The following DOCK9 variants were observed in gnomAD, a reference collection of about 807,000 sequenced individuals.
DOCK9 encodes the protein dedicator of cytokinesis 9.
DOCK9 carries 89 observed loss-of-function variants against 263.3 expected under a neutral mutation model. The observed-to-expected ratio is 0.34, with a 90% CI of 0.28 to 0.40. The LOEUF is 0.40. Ranked by LOEUF, DOCK9 falls within the 10% of genes least tolerant of loss-of-function variation. DOCK9 has a pLI of 1.00. For synonymous variants in DOCK9, 976 were observed against 973.1 expected (o/e 1.00, Z -0.06); for missense variants, 2,140 against 2,603.4 (o/e 0.82, Z 3.87).
intron 1 of DOCK9, among the ~76,000 whole-genome samples, chr13:99,084,462 C>T (rs997106338): frequency 2.0e-5 from 3 of 152,232 alleles, no homozygotes; most frequent in Non-Finnish European, 4.4e-5. Context: ...GCATCTGGCT[C>T]TTCATGCTTA....
At chr13:98,914,615 C>T (rs375608480) in intron 8 of DOCK9, among the ~76,000 whole-genome samples, 2 of 152,078 alleles carry the variant, frequency 1.3e-5, no homozygotes, top group East Asian at 1.9e-4. Flanking sequence ...GCATGGACAC[C>T]GTCCAATTAG....
intron 15 of DOCK9, 139 bp downstream of exon 15, chr13:98,897,349 T>C: frequency 2.8e-6 from 3 of 1,055,600 alleles, no homozygotes; most frequent in Non-Finnish European, 4.1e-6. Context: ...TTCTCAAGGG[T>C]TTGAGGAAAT....
chr13:98,894,957 C>CAAAAAAAA (rs71114557), intron 15 of DOCK9, among the ~76,000 whole-genome samples: 9 of 73,346 alleles, frequency 1.2e-4, no homozygotes, highest in Admixed American at 2.1e-4. Flanking sequence ...TACTAAAATA[C>CAAAAAAAA]AAAAAAAAAA....
chr13:98,883,675 T>G, intron 22 of DOCK9, 138 bp downstream of exon 22: 2 of 573,084 alleles, frequency 3.5e-6, no homozygotes. Context: ...GCACTTCAGT[T>G]GTACTTTCTT....
chr13:99,008,204 C>CTATA (rs1567200759), intron 1 of DOCK9, among the ~76,000 whole-genome samples: 5 of 93,210 alleles, frequency 5.4e-5, no homozygotes, highest in African/African-American at 2.2e-4. Context: ...CTCTCTCTCT[C>CTATA]TCTCTCTCTA....
intron 37 of DOCK9, chr13:98,846,386 A>C: frequency 2.9e-6 from 2 of 695,462 alleles, no homozygotes; most frequent in Non-Finnish European, 4.5e-6. Flanking sequence ...AAACGTCACT[A>C]ATCTTTTTGG....
chr13:98,895,147 A>G (rs1009641026), intron 15 of DOCK9, among the ~76,000 whole-genome samples: 12 of 9,838 alleles, frequency 1.2e-3, no homozygotes, highest in African/African-American at 2.5e-3. Context: ...TCCATCTCGG[A>G]AAAAAAAAAA....
In DOCK9 at chr13:98,930,208, G is replaced by A. The variant is rs775087973; in HGVS notation, c.293C>T (p.Ala98Val). 115 of 1,612,070 alleles carry A rather than the reference G, an allele frequency of 7.1e-5. No individual in the cohort carries two copies. The highest frequency in any genetic ancestry group is 8.7e-5 in the Non-Finnish European group (103 of 1,179,168). The change falls in exon 3 of 53, where the codon GCG becomes GTG. Residue 98 changes from alanine to valine, a missense_variant. Around this residue, in one of 2 missense-constraint regions of DOCK9, gnomAD observed 1,521 missense variants for 1,741.7 expected, o/e 0.87. Coordinates refer to ENST00000682017, the MANE Select transcript of DOCK9 (RefSeq NM_001366683.2). Reference protein sequence around the residue: ...QGRYICSTVPAKAEEEAQSLF... With the variant: ...QGRYICSTVPVKAEEEAQSLF... ...GCTCTGTGCTTCCTCTTCCGCCTTC[G>A]CAGGCACTGTTGAGCATATGTATCG...
intron 16 of DOCK9, 42 bp from the exon 17 acceptor site, chr13:98,888,589 A>G: frequency 6.2e-7 from 1 of 1,612,458 alleles, no homozygotes; most frequent in Non-Finnish European, 8.5e-7. Context: ...AGTAAAACCC[A>G]AACTAATAAA....
intron 1 of DOCK9, among the ~76,000 whole-genome samples, chr13:99,017,234 C>A (rs552011950): frequency 6.6e-6 from 1 of 152,102 alleles, no homozygotes; most frequent in Non-Finnish European, 1.5e-5. Flanking sequence ...AATCTTCATG[C>A]GAAATCACAA....
intron 2 of DOCK9, among the ~76,000 whole-genome samples, chr13:98,942,527 C>T (rs1360775706): frequency 9.2e-5 from 14 of 152,142 alleles, no homozygotes; most frequent in African/African-American, 2.9e-4. Context: ...CGTGAGCCAC[C>T]GCGCCCAGCT....
At chr13:98,904,052 G>C (rs1330346119) in intron 10 of DOCK9, among the ~76,000 whole-genome samples, 1 of 152,144 alleles carries the variant, frequency 6.6e-6, no homozygotes, top group Non-Finnish European at 1.5e-5. Context: ...TGGTGGTAAT[G>C]GTTGTACAAC....
intron 27 of DOCK9, 47 bp from the exon 28 acceptor site, chr13:98,868,424 C>A (rs1257852839): frequency 1.3e-6 from 2 of 1,546,840 alleles, no homozygotes; most frequent in Non-Finnish European, 1.7e-6. Flanking sequence ...AAGTTGCAAT[C>A]ATTTGGGAGG....
At chr13:98,945,235 C>T (rs1022456797) in intron 2 of DOCK9, among the ~76,000 whole-genome samples, 2 of 152,182 alleles carry the variant, frequency 1.3e-5, no homozygotes, top group African/African-American at 4.8e-5. Flanking sequence ...ATCTGATTGA[C>T]GTTTAGTAGG....
rs373465429 is a variant in DOCK9 at position 98,831,772 on chromosome 13, G to A, written c.4329C>T (p.Ala1443=). ...TCATGAGAGGATTATGTCCATGGTC[G>A]GCCAGGAGCTGGTTCTTAAAACACA... ...FTLAFKNQLL[A]DHGHNPLMKK... is the part of the protein sequence containing the mutation. Residue 1443 remains alanine, a synonymous_variant, in exon 40 of 53, where the codon GCC becomes GCT. Coordinates refer to ENST00000682017, the MANE Select transcript of DOCK9 (RefSeq NM_001366683.2). 2.9e-5 allele frequency: 47 copies of A among 1,613,656 alleles called. No individual in the cohort carries two copies. Among genetic ancestry groups the A allele is most frequent in the East Asian group, 2.5e-4 (11 of 44,894 alleles).
In DOCK9 at chr13:98,914,352, A is replaced by C; in HGVS notation, c.936T>G (p.Asp312Glu). Reference protein sequence around the residue: ...SKLEGSGSGLDSYLPELAKSA... With the variant: ...SKLEGSGSGLESYLPELAKSA... ...CCTTGGCAAGTTCCGGCAGGTAGCTATCTAAACCGGAACCAGAACCTTCCA... is the reference window on the plus strand; with the variant it reads ...CCTTGGCAAGTTCCGGCAGGTAGCTCTCTAAACCGGAACCAGAACCTTCCA... The change falls in exon 9 of 53, where the codon GAT becomes GAG. Residue 312 changes from aspartate to glutamate, a missense_variant. Coordinates refer to ENST00000682017, the MANE Select transcript of DOCK9 (RefSeq NM_001366683.2). 1 of 1,610,252 alleles carries C rather than the reference A, an allele frequency of 6.2e-7. No individual in the cohort carries two copies. Among genetic ancestry groups the C allele is most frequent in the African/African-American group, 1.3e-5 (1 of 75,010 alleles).
At chr13:98,849,533 A>G (rs1397846496) in intron 36 of DOCK9, among the ~76,000 whole-genome samples, 1 of 152,124 alleles carries the variant, frequency 6.6e-6, no homozygotes, top group East Asian at 1.9e-4. Flanking sequence ...GAATTTGGAA[A>G]ATCATCTGGC....
chr13:98,812,177 T>C (rs1182740148), intron 45 of DOCK9, among the ~76,000 whole-genome samples: 1 of 151,368 alleles, frequency 6.6e-6, no homozygotes, highest in Non-Finnish European at 1.5e-5. Context: ...AATGGGTTTT[T>C]TTTTTAAGGG....
chr13:98,983,322 A>C (rs895034515), intron 1 of DOCK9, among the ~76,000 whole-genome samples: 9 of 152,214 alleles, frequency 5.9e-5, no homozygotes, highest in Non-Finnish European at 1.0e-4. Context: ...CTGGCCAAAG[A>C]AAAGGGGCCC....
Sources: allele counts gnomAD v4.1 joint callset (sites outside exome capture counted in the v4.1 genomes callset), GRCh38; gene constraint gnomAD v4.1.1; regional missense constraint gnomAD v4.1.1; transcripts MANE v1.5; gene names NCBI Gene and HGNC (gene_info 2026-07-23, HGNC 2026-07-21).